Variants in TNC observed in about 807,000 individuals in gnomAD.
TNC encodes the protein tenascin.
In TNC, 109 loss-of-function variants were observed where a neutral mutation model predicts 202.4. The observed-to-expected ratio is 0.54, with a 90% CI of 0.46 to 0.63. TNC has a LOEUF of 0.63. Among genes scored for constraint, TNC ranks in the 30% least tolerant of loss-of-function variants. TNC has a pLI of 0.00. For synonymous variants in TNC, 1,007 were observed against 1,089.7 expected (o/e 0.92, Z 1.50); for missense variants, 2,756 against 2,833.3 (o/e 0.97, Z 0.62).
chr9:115,070,697 C>T (rs1250392768), intron 10 of TNC, among the ~76,000 whole-genome samples: 1 of 152,222 alleles, frequency 6.6e-6, no homozygotes, highest in Non-Finnish European at 1.5e-5. Context: ...TTGAGTGGCG[C>T]CTGGCAGGCT....
chr9:115,036,743 G>A (rs2131833432), intron 20 of TNC, among the ~76,000 whole-genome samples: 1 of 152,334 alleles, frequency 6.6e-6, no homozygotes, highest in South Asian at 2.1e-4. Context: ...TATCTCTCAG[G>A]CCTGCTGGGT....
intron 1 of TNC, among the ~76,000 whole-genome samples, chr9:115,116,387 C>T (rs570841686): frequency 4.5e-4 from 68 of 152,298 alleles, no homozygotes; most frequent in Non-Finnish European, 6.8e-4. Flanking sequence ...GGCCAAAGCA[C>T]GCTGACTTAC....
intron 5 of TNC, 30 bp from the exon 6 acceptor site, chr9:115,081,958 TA>T: frequency 1.3e-6 from 2 of 1,567,350 alleles, no homozygotes; most frequent in Non-Finnish European, 1.7e-6. Flanking sequence ...TGGTAAGAGT[TA>T]GGGGAGGTGC....
intron 17 of TNC, among the ~76,000 whole-genome samples, chr9:115,045,704 C>A (rs1055836265): frequency 1.4e-5 from 2 of 145,580 alleles, no homozygotes; most frequent in Non-Finnish European, 3.0e-5. Context: ...TATTAACCAT[C>A]TTTTTTTTTT....
In TNC at chr9:115,069,084, A is replaced by G. The variant is rs183607958; in HGVS notation, c.3215-4165T>C. Among the ~76,000 whole-genome samples, 4 of 152,346 alleles carry G rather than the reference A, an allele frequency of 2.6e-5. No individual in the cohort carries two copies. In the East Asian group the frequency reaches 7.7e-4, roughly 29 times the overall value. On this transcript the variant is annotated intron_variant, in intron 10 of 27. Coordinates refer to ENST00000350763, the MANE Select transcript of TNC (RefSeq NM_002160.4). ...GACCCACAGTAGGTATGAAATAAAT[A>G]TTTGCTGGATGAATAAATATTTGAA...
At chr9:115,022,823 T>C (rs1278113956) in intron 27 of TNC, among the ~76,000 whole-genome samples, 1 of 152,102 alleles carries the variant, frequency 6.6e-6, no homozygotes, top group Non-Finnish European at 1.5e-5. Context: ...AAGGTAACAG[T>C]GCTTTGAAAA....
At position 115,038,292 on chromosome 9, in the gene TNC, G is replaced by A; in HGVS notation, c.5481C>T (p.Asp1827=). Residue 1827 remains aspartate (D), a synonymous_variant, in exon 20 of 28, where the codon GAC becomes GAT. Transcript: ENST00000350763. Reference sequence around the variant, plus strand: ...CGCCTGTGTAGGAGATGACATAACTGTCCACAGTGGCAATGGCTGGCTGCC... The same window carrying A: ...CGCCTGTGTAGGAGATGACATAACTATCCACAGTGGCAATGGCTGGCTGCC... ...ARWQPAIATV[D]SYVISYTGEK... 1 of 1,614,046 alleles carries A rather than the reference G, an allele frequency of 6.2e-7. No individual in the cohort carries two copies. Among genetic ancestry groups the A allele is most frequent in the Non-Finnish European group, 8.5e-7 (1 of 1,179,976 alleles).
rs148974766 is a variant in TNC, at chr9:115,046,658, A to G, written c.4877T>C (p.Leu1626Pro). The G allele has an allele frequency of 5.0e-6, 8 of 1,613,428 alleles. No individual in the cohort carries two copies. The highest frequency in any genetic ancestry group is 1.3e-5 in the African/African-American group (1 of 75,004). ...VTEAEPEVDN[L>P]LVSDATPDGF... Reference sequence around the variant, plus strand: ...GTCTGGGGTGGCATCTGAAACCAGAAGGTTGTCAACTTCCGGTTCGGCTTC... The same window carrying G: ...GTCTGGGGTGGCATCTGAAACCAGAGGGTTGTCAACTTCCGGTTCGGCTTC... The change falls in exon 17 of 28, where the codon CTT (leucine) becomes CCT (proline). Residue 1626 changes from leucine (L) to proline (P), a missense_variant. This residue lies in a region of TNC where 2,559 missense variants were observed against 2,546.0 expected (regional missense o/e 1.01). Transcript: ENST00000350763.
intron 6 of TNC, among the ~76,000 whole-genome samples, chr9:115,078,709 C>T (rs1383432791): frequency 6.6e-6 from 1 of 152,090 alleles, no homozygotes; most frequent in South Asian, 2.1e-4. Flanking sequence ...TGTATGGAAA[C>T]TTATTTTTGA....
intron 1 of TNC, among the ~76,000 whole-genome samples, chr9:115,097,393 A>G (rs946057128): frequency 6.6e-6 from 1 of 152,208 alleles, no homozygotes; most frequent in Non-Finnish European, 1.5e-5. Context: ...GGTAATAACA[A>G]CACTGATCCA....
intron 10 of TNC, among the ~76,000 whole-genome samples, chr9:115,071,574 T>C (rs7048175): frequency 0.27 from 40,968 of 151,672 alleles, 5,850 homozygotes; most frequent in African/African-American, 0.37. Flanking sequence ...AGGTGTGAGG[T>C]TTTCTCACTG....
chr9:115,085,098 A>C (rs1273866770), intron 3 of TNC, among the ~76,000 whole-genome samples: 2 of 152,222 alleles, frequency 1.3e-5, no homozygotes, highest in African/African-American at 4.8e-5. Context: ...TGAGAGGAGT[A>C]CAAAGAAGAC....
intron 22 of TNC, among the ~76,000 whole-genome samples, chr9:115,033,680 AAT>A (rs1464754989): frequency 2.0e-5 from 3 of 152,240 alleles, no homozygotes; most frequent in African/African-American, 7.2e-5. Flanking sequence ...GTTCTGGTTA[AAT>A]ATGACAGATT....
chr9:115,031,287 A>T (rs1286636926), intron 23 of TNC, among the ~76,000 whole-genome samples: 1 of 152,210 alleles, frequency 6.6e-6, no homozygotes, highest in Non-Finnish European at 1.5e-5. Context: ...GAAGCTAAAG[A>T]TTATAGGATG....
chr9:115,072,773 TA>T (rs1833559210), intron 10 of TNC, among the ~76,000 whole-genome samples: 1 of 152,220 alleles, frequency 6.6e-6, no homozygotes, highest in Non-Finnish European at 1.5e-5. Flanking sequence ...GCTTACTAAT[TA>T]AATTGGAAGT....
intron 15 of TNC, among the ~76,000 whole-genome samples, 193 bp from the exon 16 acceptor site, chr9:115,048,725 C>T (rs934852732): frequency 1.3e-5 from 2 of 152,112 alleles, no homozygotes; most frequent in Non-Finnish European, 2.9e-5. Context: ...CTTAATAGCC[C>T]ATGAGGTAGG....
intron 5 of TNC, among the ~76,000 whole-genome samples, chr9:115,082,350 G>T (rs1834366785): frequency 6.6e-6 from 1 of 152,136 alleles, no homozygotes; most frequent in Admixed American, 6.5e-5. Flanking sequence ...TGGAGAGAAG[G>T]GTTGCTCAAA....
intron 10 of TNC, among the ~76,000 whole-genome samples, chr9:115,073,167 A>G (rs1833586928): frequency 6.6e-6 from 1 of 152,242 alleles, no homozygotes; most frequent in African/African-American, 2.4e-5. Context: ...GTTTGTAGAA[A>G]ATAACAACAA....
intron 1 of TNC, among the ~76,000 whole-genome samples, chr9:115,097,799 C>T (rs1205516195): frequency 6.6e-6 from 1 of 152,110 alleles, no homozygotes; most frequent in African/African-American, 2.4e-5. Context: ...AGGTCTTGTT[C>T]TACTAGGGTA....
Sources: allele counts gnomAD v4.1 joint callset (sites outside exome capture counted in the v4.1 genomes callset), GRCh38; gene constraint gnomAD v4.1.1; regional missense constraint gnomAD v4.1.1; transcripts MANE v1.5; gene names NCBI Gene and HGNC (gene_info 2026-07-23, HGNC 2026-07-21).